DLG3: variants seen among roughly 807,000 people sequenced by gnomAD.
DLG3 encodes discs large MAGUK scaffold protein 3.
In DLG3, 1 loss-of-function variant was observed where a neutral mutation model predicts 64.1. The observed-to-expected ratio is 0.02, with a 90% CI of 0.01 to 0.07. The LOEUF is 0.07. Among genes scored for constraint, DLG3 ranks in the 10% least tolerant of loss-of-function variants. DLG3 has a pLI of 1.00. For synonymous variants in DLG3, 245 were observed against 259.8 expected (o/e 0.94, Z 0.55); for missense variants, 429 against 669.5 (o/e 0.64, Z 3.96).
chrX:70,450,067 G>A, intron 4 of DLG3, 102 bp from the exon 5 acceptor site: 9 of 1,092,199 alleles, frequency 8.2e-6, no homozygotes, highest in Non-Finnish European at 9.9e-6. Flanking sequence ...GAGCTCCTGT[G>A]GGGCCAGTGG....
chrX:70,461,844 G>C (rs761312977), intron 9 of DLG3, among the ~76,000 whole-genome samples: 1 of 111,785 alleles, frequency 8.9e-6, no homozygotes, highest in Admixed American at 9.5e-5. Flanking sequence ...ATAGGCATGA[G>C]CCACCATGCC....
intron 15 of DLG3, 70 bp from the exon 16 acceptor site, chrX:70,499,807 C>T (rs1453288199): frequency 1.5e-5 from 16 of 1,092,005 alleles, no homozygotes; most frequent in Non-Finnish European, 2.0e-5. Context: ...GAGAATGGAC[C>T]AGTCAGTATT....
At chrX:70,484,545 T>C (rs1187995433) in intron 10 of DLG3, among the ~76,000 whole-genome samples, 3 of 111,387 alleles carry the variant, frequency 2.7e-5, no homozygotes, top group African/African-American at 9.8e-5. Flanking sequence ...GGGGTGGGGA[T>C]AATATGTATT....
At chrX:70,480,896 C>G (rs1181911032) in intron 10 of DLG3, among the ~76,000 whole-genome samples, 4 of 112,196 alleles carry the variant, frequency 3.6e-5, no homozygotes, top group Non-Finnish European at 7.5e-5. Context: ...ATATGGAGCA[C>G]TCTTCCCTGG....
chrX:70,482,659 G>GTTTTT (rs1569287442), intron 10 of DLG3, among the ~76,000 whole-genome samples: 24 of 53,317 alleles, frequency 4.5e-4, no homozygotes, highest in African/African-American at 2.5e-3. Flanking sequence ...ATACATGTGT[G>GTTTTT]GTGTTTTTTT....
At chrX:70,491,989 A>T in intron 10 of DLG3, 118 bp from the exon 11 acceptor site, 1 of 719,382 alleles carries the variant, frequency 1.4e-6, no homozygotes, top group Non-Finnish European at 2.1e-6. Flanking sequence ...ACATCCTTCT[A>T]GTATACTGTG....
At chrX:70,472,954 C>T (rs1306196965) in intron 9 of DLG3, among the ~76,000 whole-genome samples, 2 of 110,367 alleles carry the variant, frequency 1.8e-5, no homozygotes, top group Non-Finnish European at 3.8e-5. Flanking sequence ...GTCAAGAGTT[C>T]AAGACCAGCT....
intron 3 of DLG3, 48 bp from the exon 4 acceptor site, chrX:70,449,642 G>T (rs760717764): frequency 2.5e-6 from 3 of 1,198,952 alleles, no homozygotes; most frequent in South Asian, 3.6e-5. Flanking sequence ...AGGAGAGGGG[G>T]TGGAGGGGTA....
At chrX:70,462,829 AC>A (rs2086828852) in intron 9 of DLG3, among the ~76,000 whole-genome samples, 1 of 111,491 alleles carries the variant, frequency 9.0e-6, no homozygotes, top group African/African-American at 3.3e-5. Context: ...AAGTAGCTAC[AC>A]CCTTTTAGGC....
At chrX:70,470,875 T>C (rs2086957942) in intron 9 of DLG3, among the ~76,000 whole-genome samples, 2 of 112,060 alleles carry the variant, frequency 1.8e-5, no homozygotes, top group African/African-American at 6.5e-5. Flanking sequence ...AATAGGGAAC[T>C]TGTAGTTTCA....
intron 10 of DLG3, among the ~76,000 whole-genome samples, chrX:70,484,986 T>A (rs750876693): frequency 8.9e-6 from 1 of 112,413 alleles, no homozygotes; most frequent in Non-Finnish European, 1.9e-5. Flanking sequence ...CAAGGGCTGA[T>A]GAGTGACTGT....
In DLG3 at chrX:70,445,493, C is replaced by G. The variant is rs774945210; in HGVS notation, c.292C>G (p.Leu98Val). The G allele has an allele frequency of 1.5e-5, 18 of 1,198,471 alleles. No homozygotes were observed. Among genetic ancestry groups the G allele is most frequent in the Non-Finnish European group, 1.9e-5 (17 of 889,236 alleles). Residue 98 changes from leucine (L) to valine (V), a missense_variant, in exon 1 of 19, where the codon CTC becomes GTC. Physicochemically the swap from Leu to Val is conservative, Grantham distance 32 (BLOSUM62 1). This residue lies in a region of DLG3 where 123 missense variants were observed against 113.3 expected (regional missense o/e 1.09). Coordinates refer to ENST00000374360, the MANE Select transcript of DLG3 (RefSeq NM_021120.4). ...AGTCCCGGGCAAGAGCACCCCCAAA[C>G]TCAACGGCAGCGGCCCCAGCTGGTG... The part of the protein sequence containing the change: ...KPVPGKSTPK[L>V]NGSGPSWWPE...
Position 70,445,126 on chromosome X carries a change from CGGCGGTGGT to C in DLG3, c.-70_-62del. On this transcript the variant is annotated 5_prime_UTR_variant, in exon 1 of 19. Transcript: ENST00000374360. ...GTGCCAGGGAGCCCGGCGGCGGCGG[CGGCGGTGGT>C]GGCGGCGGTGGCGGCGGCGTGGAAT... 1.2e-6 allele frequency: 1 copy of C among 839,376 alleles called. No homozygotes were observed. 69.2% of individuals were successfully genotyped at this position (839,376 alleles called of 1,213,427 possible).
chrX:70,462,047 C>T (rs926155617), intron 9 of DLG3, among the ~76,000 whole-genome samples: 1 of 91,594 alleles, frequency 1.1e-5, no homozygotes, highest in East Asian at 4.0e-4. Context: ...TCATCCCCCC[C>T]CCACCGCCCC....
intron 10 of DLG3, among the ~76,000 whole-genome samples, chrX:70,489,656 C>T (rs913745891): frequency 3.6e-5 from 4 of 111,561 alleles, no homozygotes; most frequent in African/African-American, 1.3e-4. Context: ...TAAAAAATTA[C>T]AAACAGTTGG....
intron 9 of DLG3, among the ~76,000 whole-genome samples, chrX:70,463,901 G>A (rs1054513751): frequency 4.5e-5 from 5 of 111,637 alleles, no homozygotes; most frequent in Non-Finnish European, 9.4e-5. Flanking sequence ...ATTAGGGATG[G>A]GGTCTTGCTA....
At chrX:70,453,457 G>A (rs990581960) in intron 7 of DLG3, among the ~76,000 whole-genome samples, 180 bp from the exon 8 acceptor site, 9 of 111,083 alleles carry the variant, frequency 8.1e-5, no homozygotes, top group Non-Finnish European at 1.5e-4. Flanking sequence ...ACTGAAACTT[G>A]GCACCTGACA....
Position 70,449,690 on chromosome X carries a change from G to A in DLG3, c.534G>A (p.Gly178=). The change falls in exon 4 of 19, where the codon GGG becomes GGA. Residue 178 remains glycine, a splice_region_variant and synonymous_variant. Coordinates refer to ENST00000374360, the MANE Select transcript of DLG3 (RefSeq NM_021120.4). ...CATGCCTCTCGGGCTTCCCCCACAG[G>A]GTGAATGACTGTGTGCTGCGGGTGA... is the stretch of plus-strand genomic sequence containing the variant. The part of the protein sequence containing the change: ...GGAAAMDGRL[G]VNDCVLRVNE... 8.3e-7 allele frequency: 1 copy of A among 1,210,655 alleles called. No homozygotes were observed.
intron 10 of DLG3, among the ~76,000 whole-genome samples, chrX:70,490,448 C>G (rs1221857985): frequency 8.9e-6 from 1 of 111,839 alleles, no homozygotes; most frequent in Non-Finnish European, 1.9e-5. Context: ...TCTCGGACAG[C>G]ACCTCCTTGT....
Sources: allele counts gnomAD v4.1 joint callset (sites outside exome capture counted in the v4.1 genomes callset), GRCh38; gene constraint gnomAD v4.1.1; regional missense constraint gnomAD v4.1.1; transcripts MANE v1.5; gene names NCBI Gene and HGNC (gene_info 2026-07-23, HGNC 2026-07-21).